ASB4: variants seen among roughly 807,000 people sequenced by gnomAD.
ASB4 encodes the protein ankyrin repeat and SOCS box protein 4.
A neutral mutation model predicts 38.6 loss-of-function variants in ASB4; 35 were observed. The observed-to-expected ratio is 0.91, with a 90% CI of 0.69 to 1.20. The LOEUF is 1.20. Ranked by LOEUF, ASB4 falls within the 50% of genes most tolerant of loss-of-function variation. The pLI, the probability that ASB4 is intolerant of heterozygous loss-of-function variation, is 0.00. For missense variants in ASB4, 557 were observed against 527.2 expected, an observed-to-expected ratio of 1.06 and a Z score of -0.55; for synonymous variants, 195 against 201.3, an observed-to-expected ratio of 0.97 and a Z score of 0.26.
chr7:95,536,118 T>C (rs1265945452), intron 3 of ASB4, among the ~76,000 whole-genome samples: 1 of 152,216 alleles, frequency 6.6e-6, no homozygotes, highest in Non-Finnish European at 1.5e-5. Context: ...ATTTTATTAA[T>C]CTATCTATTT....
rs758587757 is a variant in ASB4 at position 95,537,646 on chromosome 7, T to C, written c.1168T>C (p.Cys390Arg). 9 of 1,613,630 alleles carry C rather than the reference T, an allele frequency of 5.6e-6. No individual in the cohort carries two copies. In the Admixed American group the frequency reaches 1.5e-4, roughly 27 times the overall value. ...SPRTLMHLSR[C>R]AIRRTLHNRC... is the part of the protein sequence containing the mutation. Reference sequence around the variant, plus strand: ...AAGGACTCTCATGCACTTATCGAGATGTGCCATTAGAAGAACATTACACAA... The same window carrying C: ...AAGGACTCTCATGCACTTATCGAGACGTGCCATTAGAAGAACATTACACAA... Residue 390 changes from cysteine (C) to arginine (R), a missense_variant, in exon 5 of 5, where the codon TGT (cysteine) becomes CGT (arginine). Coordinates refer to ENST00000325885, the MANE Select transcript of ASB4 (RefSeq NM_016116.3).
chr7:95,483,388 G>T (rs1163134667), upstream of ASB4, among the ~76,000 whole-genome samples: 1 of 152,172 alleles, frequency 6.6e-6, no homozygotes, highest in Non-Finnish European at 1.5e-5. Context: ...ATTCCCTGAA[G>T]CTCTCTTAGA....
At chr7:95,471,537 T>C in the ASB4 span, among the ~76,000 whole-genome samples, 187 of 152,340 alleles carry the variant, frequency 1.2e-3, no homozygotes, top group African/African-American at 4.4e-3. Flanking sequence ...ATTATATTTG[T>C]ATGAGAGTTG....
chr7:95,518,494 C>T (rs1025448294), intron 2 of ASB4, among the ~76,000 whole-genome samples: 2 of 152,224 alleles, frequency 1.3e-5, no homozygotes, highest in African/African-American at 4.8e-5. Context: ...GAGAAATAAC[C>T]TTCTGTTGCT....
the ASB4 span, among the ~76,000 whole-genome samples, chr7:95,471,491 T>A: frequency 6.6e-6 from 1 of 152,172 alleles, no homozygotes. Flanking sequence ...TCAAAATAGG[T>A]TTCTGTTGTA....
chr7:95,545,754 C>T, the ASB4 span, among the ~76,000 whole-genome samples: 1 of 152,150 alleles, frequency 6.6e-6, no homozygotes, highest in Non-Finnish European at 1.5e-5. Context: ...CAATAGATTG[C>T]AGGTGAGAGA....
chr7:95,548,953 G>A, the ASB4 span, among the ~76,000 whole-genome samples: 1 of 152,102 alleles, frequency 6.6e-6, no homozygotes, highest in South Asian at 2.1e-4. Flanking sequence ...CAATTGCCTA[G>A]GATCTCACAG....
upstream of ASB4, among the ~76,000 whole-genome samples, chr7:95,483,058 G>A (rs978398454): frequency 2.0e-5 from 3 of 152,076 alleles, no homozygotes; most frequent in East Asian, 1.9e-4. Flanking sequence ...GTCAGCCGAC[G>A]GGCTGCAGCG....
chr7:95,506,853 C>T (rs1472396036), intron 2 of ASB4, among the ~76,000 whole-genome samples: 3 of 151,766 alleles, frequency 2.0e-5, no homozygotes, highest in Non-Finnish European at 2.9e-5. Flanking sequence ...TTTTCTTCTG[C>T]TTTCTATATG....
intron 3 of ASB4, among the ~76,000 whole-genome samples, chr7:95,529,147 G>A (rs1032085343): frequency 1.3e-5 from 2 of 152,190 alleles, no homozygotes; most frequent in African/African-American, 4.8e-5. Flanking sequence ...TGTGGTAAAT[G>A]ACAAGGTAGA....
chr7:95,551,026 G>A, the ASB4 span, among the ~76,000 whole-genome samples: 2 of 152,154 alleles, frequency 1.3e-5, no homozygotes, highest in Admixed American at 1.3e-4. Flanking sequence ...TGTCACGCAG[G>A]CTGGAGTGCA....
chr7:95,474,494 G>A (rs1025714337), upstream of ASB4, among the ~76,000 whole-genome samples: 3 of 152,144 alleles, frequency 2.0e-5, no homozygotes, highest in Admixed American at 6.5e-5. Flanking sequence ...TGCAGAATGT[G>A]CAGTTTAAAA....
chr7:95,499,397 A>C (rs1212516121), intron 2 of ASB4, among the ~76,000 whole-genome samples: 3 of 152,228 alleles, frequency 2.0e-5, no homozygotes, highest in East Asian at 1.9e-4. Flanking sequence ...AAAATTGGAG[A>C]AAACCAAGAG....
intron 2 of ASB4, among the ~76,000 whole-genome samples, chr7:95,522,148 AAC>A (rs1790672319): frequency 6.6e-6 from 1 of 152,158 alleles, no homozygotes. Context: ...TTTATATATA[AAC>A]ACAAAATAAT....
rs754585089 is a variant in ASB4, at chr7:95,495,940, A to G, written c.370A>G (p.Lys124Glu). 3 of 1,614,118 alleles carry G rather than the reference A, an allele frequency of 1.9e-6. No homozygotes were observed. The highest frequency in any genetic ancestry group is 1.7e-6 in the Non-Finnish European group (2 of 1,179,998). ...ACEMANVDCV[K>E]ILCDRGAKLN... ...TGAAATGGCCAATGTGGATTGTGTT[A>G]AGATCCTCTGTGATCGTGGGGCAAA... The change falls in exon 2 of 5, where the codon AAG (lysine) becomes GAG (glutamate). Residue 124 changes from lysine to glutamate, a missense_variant. Lys to Glu is a moderately conservative substitution (Grantham distance 56). Coordinates refer to ENST00000325885, the MANE Select transcript of ASB4 (RefSeq NM_016116.3).
chr7:95,511,768 T>C (rs1163671736), intron 2 of ASB4, among the ~76,000 whole-genome samples: 2 of 152,222 alleles, frequency 1.3e-5, no homozygotes, highest in Non-Finnish European at 2.9e-5. Flanking sequence ...AACTATCCTA[T>C]GAGGTTAAGA....
chr7:95,516,943 C>T (rs1790592301), intron 2 of ASB4, among the ~76,000 whole-genome samples: 1 of 152,134 alleles, frequency 6.6e-6, no homozygotes, highest in Non-Finnish European at 1.5e-5. Context: ...TAGCTTGAGC[C>T]TCTGCTCTGA....
rs1028179144 is a variant in ASB4 at position 95,538,355 on chromosome 7, A to G, written c.*596A>G. On this transcript the variant is annotated 3_prime_UTR_variant, in exon 5 of 5. Transcript: ENST00000325885. Reference sequence around the variant, plus strand: ...ATGAGAAAGAAACATCAGTCCAGTTAATAGTCAAGAATGGACATTTGAACC... The same window carrying G: ...ATGAGAAAGAAACATCAGTCCAGTTGATAGTCAAGAATGGACATTTGAACC... The G allele has an allele frequency of 6.6e-6, 1 of 152,324 alleles. No homozygotes were observed. Among genetic ancestry groups the G allele is most frequent in the Non-Finnish European group, 1.5e-5 (1 of 68,120 alleles). 9.4% of individuals were successfully genotyped at this position (152,324 alleles called of 1,614,324 possible).
chr7:95,539,189 T>C lies in ASB4; in HGVS notation c.*1430T>C, dbSNP rs1409472656. 1 of 152,212 alleles carries C rather than the reference T, an allele frequency of 6.6e-6. No homozygotes were observed. Among genetic ancestry groups the C allele is most frequent in the East Asian group, 1.9e-4 (1 of 5,200 alleles). 9.4% of individuals were successfully genotyped at this position (152,212 alleles called of 1,614,324 possible). A position where few individuals can be genotyped will look rare whatever the true frequency, so the allele number is the denominator to read the frequency against. On this transcript the variant is annotated 3_prime_UTR_variant, in exon 5 of 5. Transcript: ENST00000325885. ...CTGTCAGTTGTGAGCAGATTTCTTT[T>C]ATGTGTGTGGTTCTCCATCATATTT...
Sources: allele counts gnomAD v4.1 joint callset (sites outside exome capture counted in the v4.1 genomes callset), GRCh38; gene constraint gnomAD v4.1.1; transcripts MANE v1.5; gene names NCBI Gene and HGNC (gene_info 2026-07-23, HGNC 2026-07-21).